Variants in TAFA5 observed in about 807,000 individuals in gnomAD.
The protein encoded by TAFA5 is TAFA chemokine like family member 5, also known as chemokine-like protein TAFA-5.
Under a neutral mutation model 15.3 loss-of-function variants are expected in TAFA5, and 6 were observed. That is an observed-to-expected ratio of 0.39 (90% CI 0.21 to 0.77). The LOEUF (loss-of-function observed/expected upper bound fraction) is 0.77. Among genes scored for constraint, TAFA5 ranks in the 30% least tolerant of loss-of-function variants. The pLI is 0.41. For synonymous variants in TAFA5, 103 were observed against 80.7 expected (o/e 1.28, Z -1.48); for missense variants, 161 against 193.1 (o/e 0.83, Z 0.98).
At chr22:48,497,208 G>A (rs1424822300) in intron 1 of TAFA5, among the ~76,000 whole-genome samples, 1 of 152,216 alleles carries the variant, frequency 6.6e-6, no homozygotes, top group Non-Finnish European at 1.5e-5. Flanking sequence ...GTTCCAGGCC[G>A]CGCCTCCCTC....
At chr22:48,630,435 G>A (rs991332505) in intron 1 of TAFA5, among the ~76,000 whole-genome samples, 2 of 152,200 alleles carry the variant, frequency 1.3e-5, no homozygotes, top group African/African-American at 4.8e-5. Context: ...TGGCTTTGGG[G>A]CGTGCGTGGC....
intron 1 of TAFA5, among the ~76,000 whole-genome samples, chr22:48,498,422 T>G (rs1920937052): frequency 6.6e-6 from 1 of 152,084 alleles, no homozygotes; most frequent in Non-Finnish European, 1.5e-5. Context: ...TCTAACAGTT[T>G]GATTAATAAT....
intron 1 of TAFA5, among the ~76,000 whole-genome samples, chr22:48,606,028 C>T (rs145292518): frequency 2.1e-3 from 322 of 152,272 alleles, no homozygotes; most frequent in Non-Finnish European, 3.6e-3. Flanking sequence ...GCCTGGTGAG[C>T]CTGATGAGTC....
At chr22:48,584,183 C>G (rs1000455594) in intron 1 of TAFA5, among the ~76,000 whole-genome samples, 4 of 149,678 alleles carry the variant, frequency 2.7e-5, no homozygotes, top group African/African-American at 9.9e-5. Flanking sequence ...CCACACACCA[C>G]TCACCACACA....
At chr22:48,617,077 A>T (rs572327207) in intron 1 of TAFA5, among the ~76,000 whole-genome samples, 1 of 152,034 alleles carries the variant, frequency 6.6e-6, no homozygotes, top group East Asian at 1.9e-4. Context: ...TGAACAATGC[A>T]CTCCCCAAAA....
chr22:48,578,396 A>G (rs1406584073), intron 1 of TAFA5, among the ~76,000 whole-genome samples: 4 of 152,060 alleles, frequency 2.6e-5, no homozygotes, highest in African/African-American at 9.7e-5. Context: ...TCCAGGTCTA[A>G]AGGACTCTGT....
chr22:48,635,008 G>T (rs1926394618), intron 1 of TAFA5, among the ~76,000 whole-genome samples: 1 of 152,212 alleles, frequency 6.6e-6, no homozygotes, highest in Admixed American at 6.5e-5. Context: ...TGAGGTAGGG[G>T]GGATCCTCTG....
At chr22:48,627,454 G>A (rs1486995703) in intron 1 of TAFA5, among the ~76,000 whole-genome samples, 5 of 152,376 alleles carry the variant, frequency 3.3e-5, no homozygotes, top group East Asian at 1.9e-4. Context: ...GCCAGGGGTC[G>A]CGACAGCGCA....
chr22:48,508,976 T>C (rs538627666), intron 1 of TAFA5, among the ~76,000 whole-genome samples: 112 of 152,314 alleles, frequency 7.4e-4, no homozygotes, highest in African/African-American at 2.6e-3. Context: ...TCCTCCCCTC[T>C]CCAGCCTCTA....
chr22:48,615,017 T>C (rs1925546491), intron 1 of TAFA5, among the ~76,000 whole-genome samples: 1 of 152,142 alleles, frequency 6.6e-6, no homozygotes, highest in Non-Finnish European at 1.5e-5. Flanking sequence ...CCTTTTTCTT[T>C]ACAATTTCAA....
In TAFA5 at chr22:48,694,965, C is replaced by T. The variant is rs137900410; in HGVS notation, c.263-12752C>T. 6.2e-3 allele frequency among the ~76,000 whole-genome samples: 948 copies of T among 151,836 alleles called. 6 individuals carry two copies. Among genetic ancestry groups the T allele is most frequent in the African/African-American group, 0.021 (885 of 41,362 alleles). Reference sequence around the variant, plus strand: ...TCGGGCAGAAACGGGAGCCCTGAGCCCTCCTGTGAGCTTCAAACGTGCCCT... The same window carrying T: ...TCGGGCAGAAACGGGAGCCCTGAGCTCTCCTGTGAGCTTCAAACGTGCCCT... On this transcript the variant is annotated intron_variant, in intron 2 of 3. Coordinates refer to ENST00000402357, the MANE Select transcript of TAFA5 (RefSeq NM_001082967.3).
intron 1 of TAFA5, among the ~76,000 whole-genome samples, chr22:48,636,653 C>G (rs1368684363): frequency 5.5e-5 from 2 of 36,396 alleles, no homozygotes; most frequent in African/African-American, 1.4e-4. Flanking sequence ...AATTGCTGTT[C>G]TGTCCTTGAT....
At chr22:48,534,656 G>A (rs1484086729) in intron 1 of TAFA5, among the ~76,000 whole-genome samples, 1 of 152,214 alleles carries the variant, frequency 6.6e-6, no homozygotes, top group African/African-American at 2.4e-5. Flanking sequence ...GCTTGCTGGG[G>A]CCGCCCTGCG....
At chr22:48,594,707 T>A (rs1464618451) in intron 1 of TAFA5, among the ~76,000 whole-genome samples, 1 of 152,188 alleles carries the variant, frequency 6.6e-6, no homozygotes, top group Non-Finnish European at 1.5e-5. Flanking sequence ...CACTCAGTGG[T>A]CCCCGCATTT....
At chr22:48,612,541 G>A (rs1377320737) in intron 1 of TAFA5, among the ~76,000 whole-genome samples, 1 of 152,032 alleles carries the variant, frequency 6.6e-6, no homozygotes, top group Non-Finnish European at 1.5e-5. Context: ...CCCATCCAGT[G>A]GGCTCTTCCG....
At chr22:48,563,276 G>C (rs1923299850) in intron 1 of TAFA5, among the ~76,000 whole-genome samples, 2 of 152,146 alleles carry the variant, frequency 1.3e-5, no homozygotes, top group Non-Finnish European at 2.9e-5. Context: ...ACCACCGTGG[G>C]CGCTTATGTC....
At chr22:48,736,497 A>G (rs530732069) in intron 3 of TAFA5, among the ~76,000 whole-genome samples, 8 of 146,344 alleles carry the variant, frequency 5.5e-5, no homozygotes, top group African/African-American at 2.1e-4. Flanking sequence ...CCATCCCCCC[A>G]GGAGGAATGA....
intron 1 of TAFA5, among the ~76,000 whole-genome samples, chr22:48,561,570 T>G (rs911361562): frequency 2.0e-5 from 3 of 152,132 alleles, no homozygotes; most frequent in African/African-American, 7.2e-5. Flanking sequence ...TTGTATCCGC[T>G]CCTAACAGTG....
chr22:48,683,434 A>G (rs947838890), intron 2 of TAFA5, among the ~76,000 whole-genome samples: 3 of 152,076 alleles, frequency 2.0e-5, no homozygotes, highest in Non-Finnish European at 2.9e-5. Flanking sequence ...CCTCTCACCT[A>G]TTTTGCTTTT....
Sources: allele counts gnomAD v4.1 joint callset (sites outside exome capture counted in the v4.1 genomes callset), GRCh38; gene constraint gnomAD v4.1.1; transcripts MANE v1.5; gene names NCBI Gene and HGNC (gene_info 2026-07-23, HGNC 2026-07-21).